The following LRRC74A variants were observed in gnomAD, a reference collection of about 807,000 sequenced individuals.
LRRC74A encodes the protein leucine rich repeat containing 74A.
LRRC74A carries 44 observed loss-of-function variants against 57.9 expected under a neutral mutation model. The observed-to-expected ratio is 0.76, with a 90% confidence interval of 0.60 to 0.98. LRRC74A has a LOEUF of 0.98. Ranked by LOEUF, LRRC74A falls within the 50% of genes least tolerant of loss-of-function variation. The pLI is 0.00. For missense variants in LRRC74A, 572 were observed against 574.0 expected (o/e 1.00, Z 0.04); for synonymous variants, 211 against 219.4 (o/e 0.96, Z 0.34).
Position 76,860,524 on chromosome 14 carries a change from C to T in LRRC74A, c.1054-169C>T, listed in dbSNP as rs75643461. On this transcript the variant is annotated intron_variant, in intron 10 of 13. Coordinates refer to ENST00000689127, the MANE Select transcript of LRRC74A (RefSeq NM_001385106.1). Reference sequence around the variant, plus strand: ...CCCAGGAAACTTACAAGTCAATTTACAAGCTCTAAAATACCCGAACTATCC... The same window carrying T: ...CCCAGGAAACTTACAAGTCAATTTATAAGCTCTAAAATACCCGAACTATCC... 7.9e-3 allele frequency among the ~76,000 whole-genome samples: 1,203 copies of T among 152,296 alleles called. 18 individuals carry two copies. The highest frequency in any genetic ancestry group is 0.027 in the African/African-American group (1,140 of 41,558).
chr14:76,844,754 A>C, intron 6 of LRRC74A, 66 bp from the exon 7 acceptor site: 2 of 896,882 alleles, frequency 2.2e-6, no homozygotes, highest in Non-Finnish European at 3.6e-6. Flanking sequence ...TACTGCCCTG[A>C]GATAAGTAAG....
At position 76,848,095 on chromosome 14, in the gene LRRC74A, C is replaced by T. The variant is rs990447306; in HGVS notation, c.676+3194C>T. Among the ~76,000 whole-genome samples, 4 of 146,132 alleles carry T rather than the reference C, an allele frequency of 2.7e-5. No individual in the cohort carries two copies. The East Asian group carries it at 7.9e-4, about 29-fold the overall frequency. On this transcript the variant is annotated intron_variant, in intron 7 of 13. Coordinates refer to ENST00000689127, the MANE Select transcript of LRRC74A (RefSeq NM_001385106.1). Reference sequence around the variant, plus strand: ...GACTGAGGCACAAGAACCGTTTGAACCTGGGAGGCAGAGGTTGCAGTAAGA... The same window carrying T: ...GACTGAGGCACAAGAACCGTTTGAATCTGGGAGGCAGAGGTTGCAGTAAGA...
Position 76,853,410 on chromosome 14 carries a change from G to A in LRRC74A, c.957G>A (p.Lys319=), listed in dbSNP as rs1595381254. ...LESNESLRVL[K]LFLNPINMDG... is the part of the protein sequence containing the mutation. ...CCAATGAAAGCCTCAGAGTTCTGAA[G>A]GTAGTCTTCAGCTGGAAAGGGTGTG... Residue 319 remains lysine, a splice_region_variant and synonymous_variant, in exon 9 of 14, where the codon AAG becomes AAA. Coordinates refer to ENST00000689127, the MANE Select transcript of LRRC74A (RefSeq NM_001385106.1). 1 of 1,569,102 alleles carries A rather than the reference G, an allele frequency of 6.4e-7. No individual in the cohort carries two copies. Among genetic ancestry groups the A allele is most frequent in the Non-Finnish European group, 8.7e-7 (1 of 1,152,846 alleles).
chr14:76,826,862 G>A (rs917464556), intron 1 of LRRC74A, 128 bp downstream of exon 1: 7 of 561,392 alleles, frequency 1.2e-5, no homozygotes, highest in African/African-American at 9.5e-5. Context: ...AGGATGATTT[G>A]TTATACTGAC....
intron 7 of LRRC74A, among the ~76,000 whole-genome samples, chr14:76,850,430 A>G (rs1897374084): frequency 1.3e-5 from 2 of 152,022 alleles, no homozygotes; most frequent in South Asian, 4.1e-4. Flanking sequence ...GGGTAAAAAG[A>G]GAGTGAAGGA....
chr14:76,841,111 A>C (rs1056011852), intron 5 of LRRC74A, among the ~76,000 whole-genome samples: 1 of 151,982 alleles, frequency 6.6e-6, no homozygotes, highest in African/African-American at 2.4e-5. Flanking sequence ...GTGCCATCTC[A>C]GCTTGTTATA....
chr14:76,828,628 A>T, intron 2 of LRRC74A: 1 of 718,188 alleles, frequency 1.4e-6, no homozygotes, highest in Non-Finnish European at 2.5e-6. Context: ...CACGCTTGTC[A>T]CCTGCCTCAG....
chr14:76,849,516 C>T (rs888896270), intron 7 of LRRC74A, among the ~76,000 whole-genome samples: 4 of 151,864 alleles, frequency 2.6e-5, no homozygotes, highest in Non-Finnish European at 4.4e-5. Flanking sequence ...AAAACACTTA[C>T]TATTGCTGGG....
chr14:76,830,667 A>G (rs1483759677), intron 2 of LRRC74A, among the ~76,000 whole-genome samples: 1 of 152,232 alleles, frequency 6.6e-6, no homozygotes, highest in Non-Finnish European at 1.5e-5. Context: ...CTGGTTTGCC[A>G]TTTTGAGAAG....
chr14:76,828,657 G>C (rs771934942), intron 2 of LRRC74A: 1 of 651,772 alleles, frequency 1.5e-6, no homozygotes, highest in Non-Finnish European at 2.8e-6. Flanking sequence ...CCCTCACGTC[G>C]TCTTGTTAAA....
intron 11 of LRRC74A, among the ~76,000 whole-genome samples, chr14:76,864,641 G>A (rs962828579): frequency 6.6e-6 from 1 of 152,142 alleles, no homozygotes; most frequent in African/African-American, 2.4e-5. Flanking sequence ...ATCACTTGAG[G>A]TCAGAAGTTC....
intron 7 of LRRC74A, among the ~76,000 whole-genome samples, chr14:76,846,042 CA>C (rs1897099575): frequency 1.3e-5 from 2 of 152,090 alleles, no homozygotes; most frequent in Admixed American, 1.3e-4. Flanking sequence ...AGACAGGCAA[CA>C]GACAGGGAGT....
chr14:76,842,425 C>T (rs1896835340), intron 5 of LRRC74A, among the ~76,000 whole-genome samples: 1 of 152,200 alleles, frequency 6.6e-6, no homozygotes, highest in Non-Finnish European at 1.5e-5. Context: ...TCACCCAGTC[C>T]TATCCCAGAC....
intron 12 of LRRC74A, 27 bp downstream of exon 12, chr14:76,866,102 CTG>C (rs775993218): frequency 2.0e-4 from 286 of 1,444,756 alleles, no homozygotes; most frequent in Admixed American, 4.8e-4. Flanking sequence ...TGGCAACAGG[CTG>C]TGTGTGAGTG....
chr14:76,845,966 C>A (rs1014789699), intron 7 of LRRC74A, among the ~76,000 whole-genome samples: 2 of 152,154 alleles, frequency 1.3e-5, no homozygotes, highest in Non-Finnish European at 2.9e-5. Context: ...TGCAGTGAGC[C>A]AAGATGGCGA....
Position 76,853,215 on chromosome 14 carries a change from G to C in LRRC74A, c.763-1G>C. 6.2e-7 allele frequency: 1 copy of C among 1,607,756 alleles called. No homozygotes were observed. Among genetic ancestry groups the C allele is most frequent in the Non-Finnish European group, 8.5e-7 (1 of 1,174,366 alleles). ...GGTGCTGTTCTCCCCTCTTCCTGGA[G>C]GGTAATGTGACCCTGACAAAGCTGG... On this transcript the variant is annotated splice_acceptor_variant, in intron 8 of 13. Transcript: ENST00000689127. LOFTEE classifies it high-confidence loss of function.
At chr14:76,834,457 A>G (rs1234373099) in intron 3 of LRRC74A, among the ~76,000 whole-genome samples, 2 of 152,042 alleles carry the variant, frequency 1.3e-5, no homozygotes, top group Admixed American at 6.6e-5. Flanking sequence ...CTGAACTTCT[A>G]TTTGCTCTTT....
intron 10 of LRRC74A, among the ~76,000 whole-genome samples, chr14:76,858,381 C>T (rs938268086): frequency 8.5e-5 from 13 of 152,182 alleles, no homozygotes; most frequent in Non-Finnish European, 1.5e-5. Flanking sequence ...TGGCATTCTC[C>T]CTATCTCTGT....
rs1349578837 is a variant in LRRC74A at position 76,864,418 on chromosome 14, G to A, written c.1201-1550G>A. Among the ~76,000 whole-genome samples, 6 of 125,628 alleles carry A rather than the reference G, an allele frequency of 4.8e-5. 1 individual carries two copies. The highest frequency in any genetic ancestry group is 8.6e-5 in the Non-Finnish European group (5 of 58,428). The allele number at this position is 125,628 out of a possible 152,430, so 82.4% of individuals were successfully genotyped here. ...TTCTGAGAGTGAGAGGAAGGGGGGG[G>A]GGGGGTGGCGGGGGGAAGGGGGGTG... On this transcript the variant is annotated intron_variant, in intron 11 of 13. Transcript: ENST00000689127.
Sources: gnomAD v4.1 joint callset for allele counts (sites outside exome capture counted in the v4.1 genomes callset) on GRCh38, gnomAD v4.1.1 for gene constraint, MANE v1.5 for transcripts, NCBI Gene and HGNC (gene_info 2026-07-23, HGNC 2026-07-21) for gene names.